CUX1: variants seen among roughly 807,000 people sequenced by gnomAD.
CUX1 encodes the protein cut like homeobox 1, also known as protein CASP.
CUX1 carries 31 observed loss-of-function variants against 158.8 expected under a neutral mutation model. That is an observed-to-expected ratio of 0.20 (90% confidence interval 0.15 to 0.26). The LOEUF is 0.26. CUX1 is among the 10% of genes least tolerant of loss of function. CUX1 has a pLI of 1.00. For synonymous variants in CUX1, 879 were observed against 862.1 expected (o/e 1.02, Z -0.34); for missense variants, 1,589 against 2,014.6 (o/e 0.79, Z 4.04).
In CUX1 at chr7:101,980,247, TG is replaced by T. The variant is rs1813250050; in HGVS notation, c.142-47849del. On this transcript the variant is annotated intron_variant, in intron 2 of 23. Coordinates refer to ENST00000292535, the MANE Select transcript of CUX1 (RefSeq NM_181552.4). The stretch of plus-strand genomic sequence containing the variant: ...CAGGCTGGGTGTGGGGGCTCACACC[TG>T]GAATCCCAGCACTTTGGGAGGCCAA... 4.6e-5 allele frequency among the ~76,000 whole-genome samples: 7 copies of T among 152,056 alleles called. No homozygotes were observed. The South Asian group carries it at 1.5e-3, about 32-fold the overall frequency.
In CUX1 at chr7:102,201,800, G is replaced by A. The variant is rs782292914; in HGVS notation, c.2503G>A (p.Ala835Thr). 1.2e-5 allele frequency: 20 copies of A among 1,612,842 alleles called. No individual in the cohort carries two copies. The South Asian group carries it at 2.2e-4, about 18-fold the overall frequency. ...CGCGGTGCAGCCGGAGAGAAGAAAT[G>A]CCGCCTCCTCCGAGGAGGCCAAGGC... ...WSAVQPERRN[A>T]ASSEEAKAEE... is the part of the protein sequence containing the mutation. Residue 835 changes from alanine (A) to threonine (T), a missense_variant, in exon 18 of 24, where the codon GCC (alanine) becomes ACC (threonine). This residue lies in a region of CUX1 where 337 missense variants were observed against 409.3 expected (regional missense o/e 0.82). Coordinates refer to ENST00000292535, the MANE Select transcript of CUX1 (RefSeq NM_181552.4). This position sits in a 1 kb window ranked among gnomAD's most constrained non-coding sequence, Gnocchi z 5.0.
intron 1 of CUX1, among the ~76,000 whole-genome samples, chr7:101,890,484 C>T (rs961599620): frequency 4.6e-5 from 7 of 151,358 alleles, no homozygotes; most frequent in Non-Finnish European, 8.8e-5. Flanking sequence ...GCCTGTCCTT[C>T]GTGGGAATCA....
chr7:101,932,478 G>A (rs566352559), intron 2 of CUX1: 13 of 419,242 alleles, frequency 3.1e-5, no homozygotes, highest in African/African-American at 6.1e-5. Context: ...CATCGCTTAC[G>A]AGCGCAGCAT....
At chr7:101,884,404 G>C (rs1417155738) in intron 1 of CUX1, among the ~76,000 whole-genome samples, 1 of 152,160 alleles carries the variant, frequency 6.6e-6, no homozygotes, top group African/African-American at 2.4e-5. Context: ...GTGTTTTTCT[G>C]TCCGGTAATT....
chr7:102,135,614 T>C (rs1833822498), intron 8 of CUX1, among the ~76,000 whole-genome samples: 2 of 152,100 alleles, frequency 1.3e-5, no homozygotes, highest in Admixed American at 6.5e-5. Context: ...AAAAATAATA[T>C]ATATAAAAAC....
At chr7:101,967,684 T>C (rs185806688) in intron 2 of CUX1, among the ~76,000 whole-genome samples, 11 of 152,320 alleles carry the variant, frequency 7.2e-5, no homozygotes, top group Middle Eastern at 3.4e-3. Flanking sequence ...TAGGAAGGGA[T>C]GTTGTGTGCA....
At chr7:101,826,669 A>C (rs1008462864) in intron 1 of CUX1, among the ~76,000 whole-genome samples, 32 of 152,140 alleles carry the variant, frequency 2.1e-4, no homozygotes, top group African/African-American at 7.7e-4. Flanking sequence ...GGCTGCAGGA[A>C]GGGCTTGGAA....
In CUX1 at chr7:101,935,247, C is replaced by T. The variant is rs571807124; in HGVS notation, c.141+19022C>T. The stretch of plus-strand genomic sequence containing the variant: ...AGCACCTTGTGACCCCCACTCTGCC[C>T]GCCAGAGAACAAACCCCTTTTGACT... On this transcript the variant is annotated intron_variant, in intron 2 of 23. Transcript: ENST00000292535. 1.6e-3 allele frequency among the ~76,000 whole-genome samples: 248 copies of T among 152,300 alleles called. 1 individual carries two copies. The highest frequency in any genetic ancestry group is 5.8e-3 in the African/African-American group (241 of 41,550).
intron 6 of CUX1, among the ~76,000 whole-genome samples, chr7:102,106,772 C>T (rs567679238): frequency 6.6e-6 from 1 of 152,168 alleles, no homozygotes; most frequent in Non-Finnish European, 1.5e-5. Flanking sequence ...GTAACGCTGC[C>T]ACCTCCATAA....
At chr7:102,069,600 T>C (rs1450232253) in intron 3 of CUX1, among the ~76,000 whole-genome samples, 1 of 152,096 alleles carries the variant, frequency 6.6e-6, no homozygotes, top group Non-Finnish European at 1.5e-5. Flanking sequence ...AATACAAAAA[T>C]TAGTCTGGCA....
chr7:102,246,142 G>A (rs1800784261), intron 23 of CUX1, among the ~76,000 whole-genome samples: 1 of 152,068 alleles, frequency 6.6e-6, no homozygotes, highest in African/African-American at 2.4e-5. Context: ...GGTCGGGCTG[G>A]GACCAAACCT....
chr7:102,022,511 G>A (rs1024013076), intron 2 of CUX1, among the ~76,000 whole-genome samples: 2 of 151,960 alleles, frequency 1.3e-5, no homozygotes, highest in Non-Finnish European at 2.9e-5. Flanking sequence ...CCAGCTGCTC[G>A]GGGTGCTGAG....
At chr7:102,082,288 G>A (rs1364903810) in intron 4 of CUX1, among the ~76,000 whole-genome samples, 1 of 146,920 alleles carries the variant, frequency 6.8e-6, no homozygotes, top group Non-Finnish European at 1.5e-5. Flanking sequence ...CACTTTGGGA[G>A]GCTGAGGGCA....
chr7:102,162,133 G>C (rs1394928844), intron 9 of CUX1, among the ~76,000 whole-genome samples: 3 of 152,020 alleles, frequency 2.0e-5, no homozygotes, highest in Non-Finnish European at 4.4e-5. Flanking sequence ...AAGATAAGGG[G>C]GAAGGGTCAT....
chr7:102,026,549 G>A (rs1820044455), intron 2 of CUX1, among the ~76,000 whole-genome samples: 1 of 151,756 alleles, frequency 6.6e-6, no homozygotes, highest in Non-Finnish European at 1.5e-5. Flanking sequence ...GCCTAGCCCG[G>A]TGGCTCATGC....
At chr7:101,955,329 G>A (rs1321195087) in intron 2 of CUX1, among the ~76,000 whole-genome samples, 1 of 152,190 alleles carries the variant, frequency 6.6e-6, no homozygotes, top group African/African-American at 2.4e-5. Context: ...ATATTAGCAA[G>A]CACCTGCTGC....
At chr7:101,979,644 T>A (rs1355874446) in intron 2 of CUX1, among the ~76,000 whole-genome samples, 1 of 151,988 alleles carries the variant, frequency 6.6e-6, no homozygotes, top group Non-Finnish European at 1.5e-5. Context: ...CTCAGGTGTT[T>A]TCTTTCTTTT....
chr7:101,932,299 C>T (rs188699431), intron 2 of CUX1: 3 of 196,120 alleles, frequency 1.5e-5, no homozygotes, highest in African/African-American at 4.7e-5. Context: ...AATATGGGGC[C>T]GGCGTCAGCC....
chr7:102,073,006 A>G (rs946269529), intron 4 of CUX1, among the ~76,000 whole-genome samples: 4 of 151,792 alleles, frequency 2.6e-5, no homozygotes, highest in African/African-American at 4.8e-5. Flanking sequence ...TCTTGCTACC[A>G]CTTCTGGGAG....
Sources: allele counts gnomAD v4.1 joint callset (sites outside exome capture counted in the v4.1 genomes callset), GRCh38; gene constraint gnomAD v4.1.1; regional missense constraint gnomAD v4.1.1; non-coding constraint Gnocchi (gnomAD v3.1); transcripts MANE v1.5; gene names NCBI Gene and HGNC (gene_info 2026-07-23, HGNC 2026-07-21).